ANKS1B: variants seen among roughly 807,000 people sequenced by gnomAD.
ANKS1B encodes the protein ankyrin repeat and sterile alpha motif domain-containing protein 1B.
ANKS1B carries 36 observed loss-of-function variants against 148.3 expected under a neutral mutation model. The observed-to-expected ratio is 0.24, with a 90% CI of 0.19 to 0.32. ANKS1B has a LOEUF of 0.32. Ranked by LOEUF, ANKS1B falls within the 10% of genes least tolerant of loss-of-function variation. ANKS1B has a pLI of 1.00. For synonymous variants in ANKS1B, 542 were observed against 560.8 expected (o/e 0.97, Z 0.47); for missense variants, 1,157 against 1,542.6 (o/e 0.75, Z 4.19).
chr12:99,523,297 GATTA>G (rs946888422), intron 9 of ANKS1B, among the ~76,000 whole-genome samples: 2 of 152,146 alleles, frequency 1.3e-5, no homozygotes, highest in African/African-American at 4.8e-5. Context: ...TGTGAGAAAA[GATTA>G]AATAAGAAAA....
At chr12:98,939,092 C>T (rs1383876025) in intron 17 of ANKS1B, among the ~76,000 whole-genome samples, 1 of 152,186 alleles carries the variant, frequency 6.6e-6, no homozygotes, top group Non-Finnish European at 1.5e-5. Context: ...TAGACTCGAA[C>T]TGCATCTCAG....
intron 16 of ANKS1B, among the ~76,000 whole-genome samples, chr12:99,058,809 C>T (rs936446757): frequency 7.2e-6 from 1 of 139,358 alleles, no homozygotes; most frequent in South Asian, 2.4e-4. Context: ...GCGATCTCGG[C>T]TCACTGCAAG....
chr12:99,032,124 G>T (rs895652193), intron 17 of ANKS1B, among the ~76,000 whole-genome samples: 1 of 152,076 alleles, frequency 6.6e-6, no homozygotes, highest in African/African-American at 2.4e-5. Context: ...CCCTCATGGG[G>T]GTCATGACTT....
At chr12:99,503,096 C>T (rs2096671657) in intron 10 of ANKS1B, among the ~76,000 whole-genome samples, 2 of 152,156 alleles carry the variant, frequency 1.3e-5, no homozygotes, top group Admixed American at 6.6e-5. Context: ...GCCATCACGT[C>T]CAGCTAATTT....
chr12:99,510,849 T>C (rs2096758361), intron 9 of ANKS1B, among the ~76,000 whole-genome samples: 1 of 151,966 alleles, frequency 6.6e-6, no homozygotes, highest in Non-Finnish European at 1.5e-5. Flanking sequence ...TGTTCCCTTA[T>C]TTTAAGAAAC....
At chr12:99,118,005 C>T (rs1374352052) in intron 15 of ANKS1B, among the ~76,000 whole-genome samples, 1 of 152,188 alleles carries the variant, frequency 6.6e-6, no homozygotes, top group African/African-American at 2.4e-5. Context: ...ATAGCATTTT[C>T]TGATGGTAGC....
chr12:99,685,058 AAAAC>A (rs1294915470), intron 8 of ANKS1B, among the ~76,000 whole-genome samples: 1 of 152,202 alleles, frequency 6.6e-6, no homozygotes, highest in African/African-American at 2.4e-5. Flanking sequence ...AACTGCAACA[AAAAC>A]AGAGATAAAT....
chr12:99,316,837 A>C (rs1255432356), intron 12 of ANKS1B, among the ~76,000 whole-genome samples: 1 of 152,142 alleles, frequency 6.6e-6, no homozygotes, highest in Non-Finnish European at 1.5e-5. Flanking sequence ...ATCTTGAATT[A>C]ATTTTTGTAT....
chr12:99,832,954 T>C (rs1054281115), intron 1 of ANKS1B, among the ~76,000 whole-genome samples: 1 of 152,198 alleles, frequency 6.6e-6, no homozygotes, highest in African/African-American at 2.4e-5. Context: ...AATTGCAGAA[T>C]ATTGTGTGTG....
At chr12:99,612,470 G>A (rs73383772) in intron 9 of ANKS1B, among the ~76,000 whole-genome samples, 1,747 of 152,146 alleles carry the variant, frequency 0.011, 41 homozygotes, top group African/African-American at 0.04. Flanking sequence ...GATGCAGAGA[G>A]TTTAAGTAAC....
chr12:99,657,959 C>T (rs561772193), intron 8 of ANKS1B, among the ~76,000 whole-genome samples: 2 of 140,634 alleles, frequency 1.4e-5, no homozygotes, highest in Non-Finnish European at 3.1e-5. Context: ...GCTCCAATTA[C>T]TTCCCATTTC....
At chr12:99,011,581 C>T (rs1355697220) in intron 17 of ANKS1B, among the ~76,000 whole-genome samples, 1 of 152,298 alleles carries the variant, frequency 6.6e-6, no homozygotes, top group African/African-American at 2.4e-5. Flanking sequence ...CTATTCATTG[C>T]ACTGTCAATA....
chr12:98,777,369 A>G (rs2098689830), intron 24 of ANKS1B, among the ~76,000 whole-genome samples: 1 of 152,258 alleles, frequency 6.6e-6, no homozygotes, highest in Non-Finnish European at 1.5e-5. Flanking sequence ...AAACCCTGGC[A>G]CTGCATCATT....
chr12:99,166,717 A>G (rs2077219278), intron 14 of ANKS1B, among the ~76,000 whole-genome samples: 2 of 152,044 alleles, frequency 1.3e-5, no homozygotes, highest in Admixed American at 1.3e-4. Flanking sequence ...TTTAATCCTA[A>G]TCAAAATCCC....
intron 17 of ANKS1B, among the ~76,000 whole-genome samples, chr12:99,005,703 T>C (rs1037061753): frequency 2.0e-5 from 3 of 152,204 alleles, no homozygotes; most frequent in African/African-American, 7.2e-5. Context: ...TGTATTCCTG[T>C]TTAGGAATGT....
At chr12:99,249,734 C>T (rs901522697) in intron 12 of ANKS1B, among the ~76,000 whole-genome samples, 3 of 152,184 alleles carry the variant, frequency 2.0e-5, no homozygotes, top group Non-Finnish European at 4.4e-5. Flanking sequence ...CTCACGCTGA[C>T]TCCCTCACAG....
chr12:98,745,000 T>A lies in ANKS1B; in HGVS notation c.*739A>T. ...CCAGAAACATCCCTCGCAACTAACC[T>A]AGTTTTCTTATCAATGCATTAATGA... On this transcript the variant is annotated 3_prime_UTR_variant, in exon 27 of 27. Coordinates refer to ENST00000683438, the MANE Select transcript of ANKS1B (RefSeq NM_001352186.2). 1.0e-6 allele frequency: 1 copy of A among 985,788 alleles called. No individual in the cohort carries two copies. Among genetic ancestry groups the A allele is most frequent in the Non-Finnish European group, 1.2e-6 (1 of 829,856 alleles). The allele number at this position is 985,788 out of a possible 1,614,324, so 61.1% of individuals were successfully genotyped here.
At chr12:99,781,317 T>A (rs953690173) in intron 5 of ANKS1B, among the ~76,000 whole-genome samples, 2 of 152,128 alleles carry the variant, frequency 1.3e-5, no homozygotes, top group African/African-American at 4.8e-5. Context: ...TCATTTTTTT[T>A]TACAGAGGAA....
intron 9 of ANKS1B, among the ~76,000 whole-genome samples, chr12:99,539,919 T>C (rs1038081586): frequency 4.6e-5 from 7 of 152,024 alleles, no homozygotes; most frequent in Admixed American, 6.6e-5. Context: ...CCATAAAAGA[T>C]ACACTTAATA....
Sources: gnomAD v4.1 joint callset for allele counts (sites outside exome capture counted in the v4.1 genomes callset) on GRCh38, gnomAD v4.1.1 for gene constraint, MANE v1.5 for transcripts, NCBI Gene and HGNC (gene_info 2026-07-23, HGNC 2026-07-21) for gene names.